Variants in SETDB1 observed in about 807,000 individuals in gnomAD.
The protein encoded by SETDB1 is histone-lysine N-methyltransferase SETDB1.
Under a neutral mutation model 137.4 loss-of-function variants are expected in SETDB1, and 31 were observed. That is an observed-to-expected ratio of 0.23 (90% CI 0.17 to 0.30). SETDB1 has a LOEUF of 0.30. Ranked by LOEUF, SETDB1 falls within the 10% of genes least tolerant of loss-of-function variation. The pLI, the probability that SETDB1 is intolerant of heterozygous loss-of-function variation, is 1.00. For missense variants in SETDB1, 1,113 were observed against 1,631.5 expected, an observed-to-expected ratio of 0.68 and a Z score of 5.47; for synonymous variants, 548 against 579.9, an observed-to-expected ratio of 0.95 and a Z score of 0.79.
chr1:150,934,975 C>T (rs1669902031), intron 3 of SETDB1, among the ~76,000 whole-genome samples: 2 of 152,148 alleles, frequency 1.3e-5, no homozygotes. Flanking sequence ...GTGTGCACCA[C>T]CACGCCCGGC....
In SETDB1 at chr1:150,942,569, T is replaced by G; in HGVS notation, c.554T>G (p.Leu185Trp). Reference sequence around the variant, plus strand: ...AACTTTGCTTCTTCTATAGGAACCTTGAGTCAGATGTCTGGAGAACTAAGC... The same window carrying G: ...AACTTTGCTTCTTCTATAGGAACCTGGAGTCAGATGTCTGGAGAACTAAGC... ...SSSQDLHKGT[L>W]SQMSGELSKD... is the part of the protein sequence containing the mutation. The change falls in exon 6 of 22, where the codon TTG becomes TGG. Residue 185 changes from leucine to tryptophan, a missense_variant. By Grantham distance (61) the Leu-to-Trp change is moderately conservative. Transcript: ENST00000692827. 1 of 1,610,430 alleles carries G rather than the reference T, an allele frequency of 6.2e-7. No individual in the cohort carries two copies. The highest frequency in any genetic ancestry group is 1.1e-5 in the South Asian group (1 of 90,382).
At chr1:150,961,333 A>G in intron 16 of SETDB1, 142 bp downstream of exon 16, 3 of 854,426 alleles carry the variant, frequency 3.5e-6, no homozygotes, top group Non-Finnish European at 5.6e-6. Context: ...CCCCCTAACT[A>G]GCACATTCCT....
At position 150,949,464 on chromosome 1, in the gene SETDB1, A is replaced by C. The variant is rs140025790; in HGVS notation, c.1522A>C (p.Thr508Pro). The change falls in exon 12 of 22, where the codon ACA becomes CCA. Residue 508 changes from threonine (T) to proline (P), a missense_variant. Physicochemically the swap from Thr to Pro is conservative, Grantham distance 38. This residue lies in a region of SETDB1 where 192 missense variants were observed against 198.1 expected (regional missense o/e 0.97). Coordinates refer to ENST00000692827, the MANE Select transcript of SETDB1 (RefSeq NM_001366418.1). Reference sequence around the variant, plus strand: ...TGTGGGCTCTGGTCATTCCTCCCCTACATCTCCTGCACTCAGTGAAAATGT... The same window carrying C: ...TGTGGGCTCTGGTCATTCCTCCCCTCCATCTCCTGCACTCAGTGAAAATGT... ...GSVGSGHSSP[T>P]SPALSENVSG... is the part of the protein sequence containing the mutation. The C allele has an allele frequency of 1.6e-5, 26 of 1,613,864 alleles. No homozygotes were observed. Among genetic ancestry groups the C allele is most frequent in the Non-Finnish European group, 2.1e-5 (25 of 1,179,964 alleles).
chr1:150,941,325 A>G lies in SETDB1; in HGVS notation c.448-4A>G. The G allele has an allele frequency of 6.3e-7, 1 of 1,597,184 alleles. No homozygotes were observed. The highest frequency in any genetic ancestry group is 8.6e-7 in the Non-Finnish European group (1 of 1,165,144). ...ACTTGTTTTCCTCATCCCCTTTTCT[A>G]CAGCTCCGTGAAGCTATGGCTGCCT... On this transcript the variant is annotated splice_polypyrimidine_tract_variant and splice_region_variant and intron_variant, in intron 4 of 21. Transcript: ENST00000692827.
chr1:150,946,279 G>A (rs587766633), intron 9 of SETDB1, among the ~76,000 whole-genome samples: 17 of 151,908 alleles, frequency 1.1e-4, no homozygotes, highest in South Asian at 2.1e-4. Flanking sequence ...TCATCCTTTC[G>A]ACATACCAGG....
At chr1:150,933,071 T>G (rs200928260) in intron 3 of SETDB1, among the ~76,000 whole-genome samples, 4 of 136,744 alleles carry the variant, frequency 2.9e-5, no homozygotes, top group East Asian at 2.2e-4. Context: ...ATGAATGAAT[T>G]GATTGATTGA....
chr1:150,951,157 C>T, intron 13 of SETDB1, 67 bp downstream of exon 13: 2 of 1,509,308 alleles, frequency 1.3e-6, no homozygotes, highest in Admixed American at 3.8e-5. Flanking sequence ...TCACCTCTTC[C>T]TTTGCCTTGT....
chr1:150,958,959 T>C (rs1022413005), intron 14 of SETDB1, among the ~76,000 whole-genome samples: 1 of 152,190 alleles, frequency 6.6e-6, no homozygotes, highest in Non-Finnish European at 1.5e-5. Context: ...TTATAAATAT[T>C]TCTCCGCCCT....
intron 1 of SETDB1, among the ~76,000 whole-genome samples, chr1:150,927,054 T>G (rs587678467): frequency 6.6e-6 from 1 of 152,336 alleles, no homozygotes; most frequent in African/African-American, 2.4e-5. Flanking sequence ...TTTATCACAT[T>G]AGTTAAGGAA....
At chr1:150,948,240 A>C (rs1376672337) in intron 10 of SETDB1, among the ~76,000 whole-genome samples, 3 of 151,852 alleles carry the variant, frequency 2.0e-5, no homozygotes, top group Non-Finnish European at 4.4e-5. Context: ...AAAAAGAAAA[A>C]AAAGAGGCTA....
At chr1:150,927,316 G>C (rs1352188045) in intron 1 of SETDB1, among the ~76,000 whole-genome samples, 1 of 152,066 alleles carries the variant, frequency 6.6e-6, no homozygotes, top group African/African-American at 2.4e-5. Flanking sequence ...TTGTAAAGAC[G>C]AGTCTTGCCA....
At chr1:150,939,477 A>C (rs1486678213) in intron 3 of SETDB1, among the ~76,000 whole-genome samples, 1 of 151,786 alleles carries the variant, frequency 6.6e-6, no homozygotes, top group Non-Finnish European at 1.5e-5. Context: ...GGCATGTGCC[A>C]CCATGCCCAT....
In SETDB1 at chr1:150,928,113, A is replaced by G. The variant is rs1057264338; in HGVS notation, c.260+139A>G. 134 of 1,001,254 alleles carry G rather than the reference A, an allele frequency of 1.3e-4. 1 individual carries two copies. The highest frequency in any genetic ancestry group is 1.1e-3 in the African/African-American group (65 of 61,546). 62.0% of individuals were successfully genotyped at this position (1,001,254 alleles called of 1,614,324 possible). A position where few individuals can be genotyped will look rare whatever the true frequency, so the allele number is the denominator to read the frequency against. On this transcript the variant is annotated intron_variant, in intron 2 of 21. Coordinates refer to ENST00000692827, the MANE Select transcript of SETDB1 (RefSeq NM_001366418.1). ...CGCTCTGTCACCCAAGCTAGAGTGC[A>G]GTGGAGTGATCCTGGCTCACTGCAA... is the stretch of plus-strand genomic sequence containing the variant.
intron 3 of SETDB1, among the ~76,000 whole-genome samples, chr1:150,934,578 G>A (rs1322542607): frequency 6.6e-6 from 1 of 152,054 alleles, no homozygotes. Flanking sequence ...CATGTTTAAA[G>A]CCAATAATCT....
intron 14 of SETDB1, among the ~76,000 whole-genome samples, chr1:150,958,842 T>C (rs985720051): frequency 6.6e-6 from 1 of 152,202 alleles, no homozygotes; most frequent in Non-Finnish European, 1.5e-5. Flanking sequence ...ATAGTGCTTA[T>C]TTTAATGGCT....
chr1:150,953,078 G>A (rs587717549), intron 14 of SETDB1, among the ~76,000 whole-genome samples: 1 of 152,300 alleles, frequency 6.6e-6, no homozygotes, highest in African/African-American at 2.4e-5. Flanking sequence ...TCAGGAGTAA[G>A]CCCTGGGTGC....
intron 3 of SETDB1, 124 bp downstream of exon 3, chr1:150,930,242 T>G (rs745425125): frequency 8.3e-6 from 7 of 838,710 alleles, no homozygotes; most frequent in Non-Finnish European, 1.1e-5. Context: ...TCTAACTGCC[T>G]GAGTTGGCTA....
At chr1:150,945,139 G>C (rs1028097619) in intron 9 of SETDB1, 31 bp downstream of exon 9, 2 of 1,613,496 alleles carry the variant, frequency 1.2e-6, no homozygotes, top group African/African-American at 2.7e-5. Flanking sequence ...TTTGGAGGCA[G>C]AGGTTGGTGG....
chr1:150,927,710 A>G lies in SETDB1; in HGVS notation c.-5A>G. On this transcript the variant is annotated 5_prime_UTR_variant, in exon 2 of 22. Coordinates refer to ENST00000692827, the MANE Select transcript of SETDB1 (RefSeq NM_001366418.1). ...TGTTTTCTGTTCCATGCAGAGGACA[A>G]AAGCATGTCTTCCCTTCCTGGGTGC... 6.2e-7 allele frequency: 1 copy of G among 1,613,626 alleles called. No homozygotes were observed. Among genetic ancestry groups the G allele is most frequent in the Non-Finnish European group, 8.5e-7 (1 of 1,179,676 alleles).
Sources: allele counts gnomAD v4.1 joint callset (sites outside exome capture counted in the v4.1 genomes callset), GRCh38; gene constraint gnomAD v4.1.1; regional missense constraint gnomAD v4.1.1; transcripts MANE v1.5; gene names NCBI Gene and HGNC (gene_info 2026-07-23, HGNC 2026-07-21).